Variants in LYPLAL1 observed in about 807,000 individuals in gnomAD.
LYPLAL1 encodes lysophospholipase-like protein 1.
A neutral mutation model predicts 19.7 loss-of-function variants in LYPLAL1; 23 were observed. That is an observed-to-expected ratio of 1.17 (90% confidence interval 0.84 to 1.65). The LOEUF (loss-of-function observed/expected upper bound fraction) is 1.65, where lower values mean the gene tolerates loss of function less well. LYPLAL1 is among the 40% of genes most tolerant of loss of function. LYPLAL1 has a pLI of 0.00. For synonymous variants in LYPLAL1, 119 were observed against 96.3 expected, an observed-to-expected ratio of 1.24 and a Z score of -1.38; for missense variants, 355 against 279.4, an observed-to-expected ratio of 1.27 and a Z score of -1.93.
At chr1:219,272,124 A>C in the LYPLAL1 span, 1 of 152,274 alleles carries the variant, frequency 6.6e-6, no homozygotes, top group East Asian at 1.9e-4. Flanking sequence ...CATTGCATAC[A>C]TCCTTGGCTT....
At chr1:219,412,368 C>T in the LYPLAL1 span, among the ~76,000 whole-genome samples, 5 of 152,192 alleles carry the variant, frequency 3.3e-5, no homozygotes, top group African/African-American at 1.2e-4. Flanking sequence ...TTGGCACTTC[C>T]TCCCTTAACT....
the LYPLAL1 span, among the ~76,000 whole-genome samples, chr1:219,360,863 C>T: frequency 6.6e-6 from 1 of 152,144 alleles, no homozygotes; most frequent in East Asian, 1.9e-4. Flanking sequence ...GTGGACTTCT[C>T]TACTGGAGAA....
the LYPLAL1 span, among the ~76,000 whole-genome samples, chr1:219,434,124 C>T: frequency 1.7e-3 from 263 of 152,048 alleles, 2 homozygotes; most frequent in African/African-American, 6.3e-3. Context: ...TTACCGTTAT[C>T]TAGAAAACTA....
the LYPLAL1 span, among the ~76,000 whole-genome samples, chr1:219,350,130 AGAGTG>A: frequency 6.6e-6 from 1 of 152,238 alleles, no homozygotes; most frequent in African/African-American, 2.4e-5. Flanking sequence ...AGAGATGGAT[AGAGTG>A]AAGAATTTTA....
Position 219,193,271 on chromosome 1 carries a change from G to A in LYPLAL1, c.361+20G>A, listed in dbSNP as rs775745117. 73 of 1,585,768 alleles carry A rather than the reference G, an allele frequency of 4.6e-5. No homozygotes were observed. Among genetic ancestry groups the A allele is most frequent in the Non-Finnish European group, 5.7e-5 (66 of 1,162,100 alleles). ...TAATAGGTAAGACCTTTAAATGTTG[G>A]TAATTTATCACTGTTCACTTTTGTC... On this transcript the variant is annotated intron_variant, in intron 3 of 4. Transcript: ENST00000366928.
chr1:219,268,386 G>C, the LYPLAL1 span, among the ~76,000 whole-genome samples: 4 of 152,186 alleles, frequency 2.6e-5, no homozygotes. Flanking sequence ...GGAGTAGCTA[G>C]CACAAAGGTG....
chr1:219,253,570 A>G, the LYPLAL1 span, among the ~76,000 whole-genome samples: 1 of 151,484 alleles, frequency 6.6e-6, no homozygotes, highest in Non-Finnish European at 1.5e-5. Context: ...TTTAGTTTCC[A>G]TATAATTGCT....
the LYPLAL1 span, among the ~76,000 whole-genome samples, chr1:219,243,574 T>C: frequency 1.3e-5 from 2 of 151,832 alleles, no homozygotes; most frequent in East Asian, 3.9e-4. Context: ...TGCTAGAGTT[T>C]TGGAAAGGGA....
the LYPLAL1 span, chr1:219,411,580 CA>C: frequency 2.0e-5 from 3 of 152,264 alleles, no homozygotes; most frequent in African/African-American, 7.2e-5. Context: ...GAATAAAAAG[CA>C]GGCTGCCCGA....
chr1:219,210,733 AAC>A (rs1281717874), intron 4 of LYPLAL1, 86 bp downstream of exon 4: 24 of 1,249,138 alleles, frequency 1.9e-5, no homozygotes, highest in Admixed American at 7.0e-5. Context: ...AAAGCTGTAA[AAC>A]ACACACACAG....
At chr1:219,408,470 A>G in the LYPLAL1 span, among the ~76,000 whole-genome samples, 2 of 152,166 alleles carry the variant, frequency 1.3e-5, no homozygotes, top group African/African-American at 4.8e-5. Context: ...TATGAGACAC[A>G]GTGTTAGAGA....
At chr1:219,194,066 CTG>C (rs1657411486) in intron 3 of LYPLAL1, among the ~76,000 whole-genome samples, 2 of 151,878 alleles carry the variant, frequency 1.3e-5, no homozygotes, top group South Asian at 4.1e-4. Flanking sequence ...GCTGAACTGT[CTG>C]TTGAGTCATG....
intron 3 of LYPLAL1, among the ~76,000 whole-genome samples, chr1:219,205,812 A>AT (rs1658530285): frequency 6.6e-6 from 1 of 152,174 alleles, no homozygotes; most frequent in Non-Finnish European, 1.5e-5. Context: ...ACATATATGT[A>AT]TTTTAATTAA....
the LYPLAL1 span, among the ~76,000 whole-genome samples, chr1:219,420,112 A>C: frequency 6.6e-6 from 1 of 152,242 alleles, no homozygotes; most frequent in Non-Finnish European, 1.5e-5. Flanking sequence ...CTTGGCAGGA[A>C]GACTTGGGGC....
chr1:219,320,776 T>A, the LYPLAL1 span, among the ~76,000 whole-genome samples: 3 of 152,220 alleles, frequency 2.0e-5, no homozygotes, highest in Admixed American at 6.5e-5. Context: ...AAACTCATCC[T>A]TTTTTATTGC....
chr1:219,357,572 G>A, the LYPLAL1 span, among the ~76,000 whole-genome samples: 1 of 152,080 alleles, frequency 6.6e-6, no homozygotes, highest in East Asian at 1.9e-4. Context: ...ATTGTTGATG[G>A]GAATGAAAGT....
At chr1:219,293,246 ACC>A in the LYPLAL1 span, among the ~76,000 whole-genome samples, 1 of 152,106 alleles carries the variant, frequency 6.6e-6, no homozygotes, top group Admixed American at 6.5e-5. Context: ...GTCTCCGCAA[ACC>A]ATACAGAGCT....
At chr1:219,266,366 A>G in the LYPLAL1 span, among the ~76,000 whole-genome samples, 4 of 152,142 alleles carry the variant, frequency 2.6e-5, no homozygotes, top group African/African-American at 9.7e-5. Flanking sequence ...CATCAATATC[A>G]CTGTCTTCTG....
chr1:219,233,822 A>G, the LYPLAL1 span, among the ~76,000 whole-genome samples: 1 of 152,182 alleles, frequency 6.6e-6, no homozygotes, highest in Non-Finnish European at 1.5e-5. Context: ...AGCACTTTAA[A>G]TAAAAAAGGC....
Sources: allele counts gnomAD v4.1 joint callset (sites outside exome capture counted in the v4.1 genomes callset), GRCh38; gene constraint gnomAD v4.1.1; transcripts MANE v1.5; gene names NCBI Gene and HGNC (gene_info 2026-07-23, HGNC 2026-07-21).